ADGRF3: variants seen among roughly 807,000 people sequenced by gnomAD.
ADGRF3 encodes the protein G protein-coupled receptor 113.
A neutral mutation model predicts 93.2 loss-of-function variants in ADGRF3; 85 were observed. The ratio of observed to expected loss-of-function variants is 0.91; its 90% CI spans 0.77 to 1.09. The LOEUF (loss-of-function observed/expected upper bound fraction) is 1.09, where lower values mean the gene tolerates loss of function less well. Ranked by LOEUF, ADGRF3 falls within the 50% of genes least tolerant of loss-of-function variation. The pLI is 0.00. For synonymous variants in ADGRF3, 534 were observed against 532.5 expected (o/e 1.00, Z -0.04); for missense variants, 1,125 against 1,246.2 (o/e 0.90, Z 1.46).
Position 26,308,752 on chromosome 2 carries a change from A to G in ADGRF3, c.*334T>C, listed in dbSNP as rs1673766322. Reference sequence around the variant, plus strand: ...CCATTTTTATCAAATATATTCATTCACAACATGTATTGTTGTAGTTAAAAA... The same window carrying G: ...CCATTTTTATCAAATATATTCATTCGCAACATGTATTGTTGTAGTTAAAAA... On this transcript the variant is annotated 3_prime_UTR_variant, in exon 14 of 14. Coordinates refer to ENST00000651242, the MANE Select transcript of ADGRF3 (RefSeq NM_001321971.2). 6.8e-6 allele frequency: 2 copies of G among 293,192 alleles called. No homozygotes were observed. The highest frequency in any genetic ancestry group is 1.2e-4 in the South Asian group (1 of 8,678). 18.2% of individuals were successfully genotyped at this position (293,192 alleles called of 1,614,324 possible).
At chr2:26,341,079 C>T (rs1676370116) in intron 1 of ADGRF3, among the ~76,000 whole-genome samples, 1 of 152,090 alleles carries the variant, frequency 6.6e-6, no homozygotes, top group Non-Finnish European at 1.5e-5. Flanking sequence ...ACAAAAATGG[C>T]CATAAAACCA....
At chr2:26,319,245 C>A in intron 1 of ADGRF3, 1 of 561,620 alleles carries the variant, frequency 1.8e-6, no homozygotes, top group East Asian at 3.0e-5. Context: ...GCCCACATGC[C>A]CCAGTGAGAA....
intron 1 of ADGRF3, among the ~76,000 whole-genome samples, chr2:26,339,477 CAG>C (rs1327344448): frequency 1.3e-5 from 2 of 152,184 alleles, no homozygotes; most frequent in African/African-American, 2.4e-5. Context: ...GCCTGGGTGA[CAG>C]AGTGAGAATC....
At chr2:26,345,862 C>T (rs891040414) in intron 1 of ADGRF3, 9 of 482,888 alleles carry the variant, frequency 1.9e-5, no homozygotes, top group African/African-American at 1.4e-4. Context: ...GACCTTTCAC[C>T]CCCTCTCTTG....
chr2:26,327,149 C>T (rs1490955057), intron 1 of ADGRF3, among the ~76,000 whole-genome samples: 1 of 152,150 alleles, frequency 6.6e-6, no homozygotes, highest in African/African-American at 2.4e-5. Flanking sequence ...GGAACAATTT[C>T]TCTCTTCTGG....
chr2:26,324,766 C>A (rs1675352304), intron 1 of ADGRF3, among the ~76,000 whole-genome samples: 1 of 152,170 alleles, frequency 6.6e-6, no homozygotes, highest in African/African-American at 2.4e-5. Flanking sequence ...CTACTATGAA[C>A]AGTGCTGCAA....
At chr2:26,315,264 G>A (rs891779248) in intron 5 of ADGRF3, among the ~76,000 whole-genome samples, 1 of 152,186 alleles carries the variant, frequency 6.6e-6, no homozygotes, top group African/African-American at 2.4e-5. Flanking sequence ...AGAAGTCCCA[G>A]ACCACAGTGA....
In ADGRF3 at chr2:26,313,644, A is replaced by G; in HGVS notation, c.1073-71T>C. The G allele has an allele frequency of 2.6e-6, 4 of 1,562,292 alleles. 1 individual carries two copies. The highest frequency in any genetic ancestry group is 2.4e-5 in the South Asian group (2 of 84,514). ...TGAGCCTCTCCTTGGGCAGAACCCT[A>G]TGCGGGCCCCGAAGCCTGGTCCTGT... is the stretch of plus-strand genomic sequence containing the variant. On this transcript the variant is annotated intron_variant, in intron 7 of 13. Coordinates refer to ENST00000651242, the MANE Select transcript of ADGRF3 (RefSeq NM_001321971.2).
rs369663682 is a variant in ADGRF3 at position 26,342,479 on chromosome 2, T to C, written c.114+3642A>G. Among the ~76,000 whole-genome samples, 173 of 152,334 alleles carry C rather than the reference T, an allele frequency of 1.1e-3. No homozygotes were observed. The South Asian group carries it at 0.02, about 18-fold the overall frequency. On this transcript the variant is annotated intron_variant, in intron 1 of 13. Coordinates refer to ENST00000651242, the MANE Select transcript of ADGRF3 (RefSeq NM_001321971.2). ...CTCCAATATTTTTTGGCTGTCTCCA[T>C]TTATCTGATACACTCTTATTCAGAC...
At chr2:26,338,372 A>G (rs1676170694) in intron 1 of ADGRF3, among the ~76,000 whole-genome samples, 1 of 152,186 alleles carries the variant, frequency 6.6e-6, no homozygotes. Context: ...GAGAGAGAGT[A>G]AAATGATGAG....
At chr2:26,341,941 C>T (rs1362318531) in intron 1 of ADGRF3, among the ~76,000 whole-genome samples, 1 of 151,950 alleles carries the variant, frequency 6.6e-6, no homozygotes, top group African/African-American at 2.4e-5. Context: ...GGCATGGTGG[C>T]AGGTGCCTGT....
intron 1 of ADGRF3, among the ~76,000 whole-genome samples, chr2:26,320,435 G>T (rs1675084601): frequency 6.6e-6 from 1 of 152,156 alleles, no homozygotes; most frequent in Non-Finnish European, 1.5e-5. Context: ...GGCGGAGGTT[G>T]CAGTGAGCTG....
chr2:26,313,877 G>A lies in ADGRF3; in HGVS notation c.955C>T (p.Gln319Ter), dbSNP rs145591310. ...KASSFNESGS[Q>*]CFVLAVQRCP... ...CGCTGAACAGCCAGCACAAAGCACT[G>A]AGAGCCTGACTCGTTGAAGGAGGAA... The change falls in exon 7 of 14, where the codon CAG becomes TAG. Residue 319 changes from glutamine (Q) to a stop codon, truncating the protein, a stop_gained. Coordinates refer to ENST00000651242, the MANE Select transcript of ADGRF3 (RefSeq NM_001321971.2). LOFTEE classifies it high-confidence loss of function. 1.2e-4 allele frequency: 197 copies of A among 1,613,928 alleles called. No individual in the cohort carries two copies. Among genetic ancestry groups the A allele is most frequent in the Non-Finnish European group, 1.5e-4 (172 of 1,179,908 alleles).
At chr2:26,339,587 C>T (rs1676256516) in intron 1 of ADGRF3, among the ~76,000 whole-genome samples, 1 of 152,082 alleles carries the variant, frequency 6.6e-6, no homozygotes, top group African/African-American at 2.4e-5. Flanking sequence ...GGTTTTAAGA[C>T]GTAATTTTGA....
chr2:26,345,812 A>T (rs1024865647), intron 1 of ADGRF3: 1 of 398,664 alleles, frequency 2.5e-6, no homozygotes, highest in African/African-American at 2.1e-5. Flanking sequence ...CAGAAATCCC[A>T]CCTTCCCCCG....
chr2:26,332,074 AGAT>A (rs1354732117), intron 1 of ADGRF3, among the ~76,000 whole-genome samples: 1 of 152,212 alleles, frequency 6.6e-6, no homozygotes, highest in African/African-American at 2.4e-5. Context: ...GTTTCTTTAG[AGAT>A]GATAACATGC....
At chr2:26,317,998 A>T in intron 1 of ADGRF3, 1 of 1,532,592 alleles carries the variant, frequency 6.5e-7, no homozygotes, top group Non-Finnish European at 8.9e-7. Context: ...GTTCCTGTAC[A>T]TTATTTCCTC....
chr2:26,336,022 G>T lies in ADGRF3; in HGVS notation c.114+10099C>A, dbSNP rs78348160. Among the ~76,000 whole-genome samples the T allele has an allele frequency of 7.1e-3, 1,080 of 152,294 alleles. 5 individuals carry two copies. Among genetic ancestry groups the T allele is most frequent in the Non-Finnish European group, 0.011 (758 of 68,020 alleles). ...TATCTTACAGACTCAGAGGTATACA[G>T]ATTTGGTCTTTACCTTCAAGGCACT... On this transcript the variant is annotated intron_variant, in intron 1 of 13. Transcript: ENST00000651242.
At chr2:26,341,101 G>A (rs7584739) in intron 1 of ADGRF3, among the ~76,000 whole-genome samples, 17,682 of 152,148 alleles carry the variant, frequency 0.12, 2,444 homozygotes, top group African/African-American at 0.33. Flanking sequence ...TGAGAAGACC[G>A]GGCAAGGTGG....
Sources: allele counts gnomAD v4.1 joint callset (sites outside exome capture counted in the v4.1 genomes callset), GRCh38; gene constraint gnomAD v4.1.1; transcripts MANE v1.5; gene names NCBI Gene and HGNC (gene_info 2026-07-23, HGNC 2026-07-21).